LRRC49: variants seen among roughly 807,000 people sequenced by gnomAD.
LRRC49 encodes the protein leucine rich repeat containing 49.
In LRRC49, 50 loss-of-function variants were observed where a neutral mutation model predicts 83.3. That is an observed-to-expected ratio of 0.60 (90% CI 0.48 to 0.76). The LOEUF is 0.76. Among genes scored for constraint, LRRC49 ranks in the 30% least tolerant of loss-of-function variants. LRRC49 has a pLI of 0.00. For missense variants in LRRC49, 704 were observed against 809.1 expected, an observed-to-expected ratio of 0.87 and a Z score of 1.58; for synonymous variants, 286 against 283.3, an observed-to-expected ratio of 1.01 and a Z score of -0.10.
intron 8 of LRRC49, among the ~76,000 whole-genome samples, chr15:70,957,478 A>C (rs1379637870): frequency 1.3e-5 from 2 of 152,090 alleles, no homozygotes; most frequent in African/African-American, 2.4e-5. Context: ...AAATTCACTC[A>C]TTCACTTTTT....
At chr15:70,961,921 T>A (rs2036614193) in intron 8 of LRRC49, among the ~76,000 whole-genome samples, 1 of 152,178 alleles carries the variant, frequency 6.6e-6, no homozygotes, top group Non-Finnish European at 1.5e-5. Flanking sequence ...TTAGAGGATC[T>A]CAGAAAGGAA....
chr15:70,921,363 A>C (rs1345768493), intron 7 of LRRC49, among the ~76,000 whole-genome samples: 1 of 152,166 alleles, frequency 6.6e-6, no homozygotes, highest in African/African-American at 2.4e-5. Flanking sequence ...CTTTTTTGAC[A>C]AATACTCTAT....
At chr15:70,863,369 A>G (rs905632580) in intron 1 of LRRC49, among the ~76,000 whole-genome samples, 58 of 152,180 alleles carry the variant, frequency 3.8e-4, no homozygotes, top group African/African-American at 1.4e-3. Context: ...AACAAATTGA[A>G]CATCTCCTAC....
intron 6 of LRRC49, among the ~76,000 whole-genome samples, chr15:70,917,807 T>C (rs1179426326): frequency 6.6e-6 from 1 of 152,232 alleles, no homozygotes; most frequent in Non-Finnish European, 1.5e-5. Context: ...TACCTCATTC[T>C]TCCTGGTCGC....
chr15:71,025,163 A>G (rs936620098), intron 14 of LRRC49, among the ~76,000 whole-genome samples: 1 of 152,214 alleles, frequency 6.6e-6, no homozygotes, highest in Admixed American at 6.5e-5. Flanking sequence ...ACCTAACAAG[A>G]CAGGCTAACA....
intron 15 of LRRC49, among the ~76,000 whole-genome samples, chr15:71,047,934 C>T (rs2039900593): frequency 6.6e-6 from 1 of 151,066 alleles, no homozygotes; most frequent in Admixed American, 6.6e-5. Context: ...GTGCCACAAC[C>T]CTGGCTAATT....
At chr15:70,883,967 T>C (rs75556042) in intron 2 of LRRC49, among the ~76,000 whole-genome samples, 6,671 of 152,154 alleles carry the variant, frequency 0.044, 239 homozygotes, top group South Asian at 0.16. Context: ...TGAAATTTGA[T>C]TTGTAGGGGA....
intron 8 of LRRC49, among the ~76,000 whole-genome samples, chr15:70,948,213 A>G (rs183718010): frequency 6.6e-6 from 1 of 151,384 alleles, no homozygotes; most frequent in East Asian, 1.9e-4. Flanking sequence ...TCCTTATTCC[A>G]CAGCATGGTT....
chr15:70,928,300 A>G (rs182622272), intron 7 of LRRC49, among the ~76,000 whole-genome samples: 162 of 152,230 alleles, frequency 1.1e-3, no homozygotes, highest in African/African-American at 3.7e-3. Context: ...CTTTTTATGT[A>G]TGCATAAAAA....
chr15:70,964,213 ATGAG>A (rs1333808789), intron 9 of LRRC49, among the ~76,000 whole-genome samples: 1 of 152,116 alleles, frequency 6.6e-6, no homozygotes, highest in African/African-American at 2.4e-5. Context: ...TTTGAAATGA[ATGAG>A]TGAGAATTTC....
At chr15:71,037,909 GA>G (rs2039575031) in intron 15 of LRRC49, among the ~76,000 whole-genome samples, 1 of 152,072 alleles carries the variant, frequency 6.6e-6, no homozygotes, top group Admixed American at 6.6e-5. Context: ...TTGTATAGGG[GA>G]ATACAATGTT....
At position 71,050,771 on chromosome 15, in the gene LRRC49, G is replaced by A. The variant is rs751405020; in HGVS notation, c.*1159G>A. On this transcript the variant is annotated 3_prime_UTR_variant, in exon 16 of 16. Coordinates refer to ENST00000260382, the MANE Select transcript of LRRC49 (RefSeq NM_017691.5). ...TCTCTTGATTACTCTTCTCCCAAAA[G>A]GCGTGCTTAACTTTAACAGGTTACC... 4 of 152,116 alleles carry A rather than the reference G, an allele frequency of 2.6e-5. No homozygotes were observed. Among genetic ancestry groups the A allele is most frequent in the Non-Finnish European group, 5.9e-5 (4 of 68,036 alleles). The allele number at this position is 152,116 out of a possible 1,614,324, so 9.4% of individuals were successfully genotyped here.
chr15:71,048,078 ATTTTTTTTTTTT>A (rs760450220), intron 15 of LRRC49, among the ~76,000 whole-genome samples: 1 of 106,724 alleles, frequency 9.4e-6, no homozygotes, highest in Non-Finnish European at 2.0e-5. Context: ...ACCGGGCCAA[ATTTTTTTTTTTT>A]TTTTTTTTTT....
At chr15:70,904,418 A>C (rs1228699898) in intron 4 of LRRC49, 134 bp from the exon 5 acceptor site, 2 of 582,846 alleles carry the variant, frequency 3.4e-6, no homozygotes, top group Admixed American at 6.5e-5. Context: ...CGCTTAGTTC[A>C]TGGGGGTTGG....
At chr15:70,933,537 A>G (rs181850952) in intron 7 of LRRC49, among the ~76,000 whole-genome samples, 11 of 152,290 alleles carry the variant, frequency 7.2e-5, no homozygotes, top group Admixed American at 4.6e-4. Context: ...CCCCATTTCC[A>G]CTTTCCCTGT....
intron 9 of LRRC49, among the ~76,000 whole-genome samples, chr15:70,967,594 AG>A (rs2036837819): frequency 6.6e-6 from 1 of 152,146 alleles, no homozygotes; most frequent in African/African-American, 2.4e-5. Flanking sequence ...AGTGAAGCTT[AG>A]GATAGGTAAA....
intron 6 of LRRC49, among the ~76,000 whole-genome samples, chr15:70,912,771 G>A (rs2034601668): frequency 6.6e-6 from 1 of 152,050 alleles, no homozygotes; most frequent in African/African-American, 2.4e-5. Flanking sequence ...CCGCCTCCCG[G>A]GTTCACGCCA....
chr15:70,892,486 C>A, upstream of LRRC49: 2 of 1,529,380 alleles, frequency 1.3e-6, no homozygotes, highest in Non-Finnish European at 1.7e-6. Flanking sequence ...CCTCCCTGCG[C>A]TGCTCCCCAG....
chr15:70,915,164 A>G (rs941650871), intron 6 of LRRC49, among the ~76,000 whole-genome samples: 4 of 152,190 alleles, frequency 2.6e-5, no homozygotes, highest in Non-Finnish European at 4.4e-5. Flanking sequence ...AATTGACTTT[A>G]TTCCATAGCA....
Sources: gnomAD v4.1 joint callset for allele counts (sites outside exome capture counted in the v4.1 genomes callset) on GRCh38, gnomAD v4.1.1 for gene constraint, MANE v1.5 for transcripts, NCBI Gene and HGNC (gene_info 2026-07-23, HGNC 2026-07-21) for gene names.